The following DCLRE1B variants were observed in gnomAD, a reference collection of about 807,000 sequenced individuals.
DCLRE1B encodes the protein 5' exonuclease Apollo.
DCLRE1B carries 6 observed loss-of-function variants against 19.8 expected under a neutral mutation model. The observed-to-expected ratio is 0.30, with a 90% CI of 0.17 to 0.60. DCLRE1B has a LOEUF of 0.60. DCLRE1B is among the 20% of genes least tolerant of loss of function. The pLI, the probability that DCLRE1B is intolerant of heterozygous loss-of-function variation, is 0.87. For missense variants in DCLRE1B, 622 were observed against 654.2 expected (o/e 0.95, Z 0.54); for synonymous variants, 258 against 255.7 (o/e 1.01, Z -0.09).
In DCLRE1B at chr1:113,905,811, A is replaced by C. The variant is rs760541826; in HGVS notation, c.189+36A>C. 12 of 1,584,744 alleles carry C rather than the reference A, an allele frequency of 7.6e-6. No homozygotes were observed. In the South Asian group the frequency reaches 1.3e-4, roughly 18 times the overall value. Reference sequence around the variant, plus strand: ...GGAGTCGGTCTCCGAGAGCTGGTCCAGGCATCTGGGTTGGGACTTCAACCT... The same window carrying C: ...GGAGTCGGTCTCCGAGAGCTGGTCCCGGCATCTGGGTTGGGACTTCAACCT... On this transcript the variant is annotated intron_variant, in intron 1 of 3. Transcript: ENST00000650450.
At position 113,911,439 on chromosome 1, in the gene DCLRE1B, C is replaced by T. The variant is rs145569979; in HGVS notation, c.847C>T (p.Arg283Cys). The change falls in exon 4 of 4, where the codon CGT (arginine) becomes TGT (cysteine). Residue 283 changes from arginine (R) to cysteine (C), a missense_variant. By Grantham distance (180) the Arg-to-Cys change is radical (BLOSUM62 -3). Transcript: ENST00000650450. The stretch of plus-strand genomic sequence containing the variant: ...TGACCATTCCTCTTACTCCGAGCTT[C>T]GTGCCTTTGTCGCAGCACTGAAGCC... ...YSDHSSYSEL[R>C]AFVAALKPCQ... is the part of the protein sequence containing the mutation. The T allele has an allele frequency of 2.4e-3, 3,933 of 1,614,174 alleles. 5 individuals are homozygous for T. The highest frequency in any genetic ancestry group is 3.1e-3 in the Non-Finnish European group (3,693 of 1,180,040).
upstream of DCLRE1B, chr1:113,905,059 C>T (rs1668818567): frequency 2.6e-6 from 1 of 391,346 alleles, no homozygotes; most frequent in Non-Finnish European, 4.9e-6. Context: ...CCAGTTCCAG[C>T]CTTAATTCCC....
chr1:113,906,862 T>A (rs1669028238), intron 1 of DCLRE1B, 134 bp from the exon 2 acceptor site: 1 of 896,858 alleles, frequency 1.1e-6, no homozygotes, highest in Non-Finnish European at 1.7e-6. Flanking sequence ...TGCTTGGGAA[T>A]CCCCATTACA....
chr1:113,906,964 G>C (rs376506945), intron 1 of DCLRE1B, 32 bp from the exon 2 acceptor site: 126 of 1,612,328 alleles, frequency 7.8e-5, no homozygotes, highest in Non-Finnish European at 8.9e-5. Flanking sequence ...AGAGGAGTCA[G>C]TGGTCACTGG....
At chr1:113,904,873 G>GCTGGCCCTGACACA (rs1444141950), upstream of DCLRE1B, 2 of 701,180 alleles carry the variant, frequency 2.9e-6, no homozygotes, top group Non-Finnish European at 5.1e-6. Flanking sequence ...GGGCCGGCAC[G>GCTGGCCCTGACACA]CTGGCCCTGA....
upstream of DCLRE1B, chr1:113,905,200 C>T (rs182022902): frequency 2.7e-4 from 92 of 335,704 alleles, 1 homozygote; most frequent in Middle Eastern, 2.9e-3. Flanking sequence ...AGTCCCGACT[C>T]CGACCTTAGG....
In DCLRE1B at chr1:113,908,088, C is replaced by T. The variant is rs199787443; in HGVS notation, c.435C>T (p.Asp145=). Residue 145 remains aspartate, a synonymous_variant, in exon 3 of 4, where the codon GAC becomes GAT. Transcript: ENST00000650450. ...AACAGATCCATACTTTATACCTAGA[C>T]AACACCAATTGCAATCCAGCCCTGG... The part of the protein sequence containing the change: ...LGKQIHTLYL[D]NTNCNPALVL... 6.2e-7 allele frequency: 1 copy of T among 1,614,090 alleles called. No homozygotes were observed.
At chr1:113,904,727 A>C, upstream of DCLRE1B, 8 of 1,611,138 alleles carry the variant, frequency 5.0e-6, no homozygotes, top group Non-Finnish European at 6.8e-6. Context: ...TCTTCCTAAG[A>C]GTCACAGGGC....
At position 113,912,369 on chromosome 1, in the gene DCLRE1B, A is replaced by G; in HGVS notation, c.*178A>G. On this transcript the variant is annotated 3_prime_UTR_variant, in exon 4 of 4. Transcript: ENST00000650450. ...CTTGTTCACTGGGGTCCTCGTGCCT[A>G]TGGAATCCTTCTTTTTATAACTAAG... 1 of 534,434 alleles carries G rather than the reference A, an allele frequency of 1.9e-6. No individual in the cohort carries two copies. The highest frequency in any genetic ancestry group is 3.0e-5 in the East Asian group (1 of 33,244). 33.1% of individuals were successfully genotyped at this position (534,434 alleles called of 1,614,324 possible).
chr1:113,912,114 C>T lies in DCLRE1B; in HGVS notation c.1522C>T (p.Pro508Ser). The change falls in exon 4 of 4, where the codon CCA becomes TCA. Residue 508 changes from proline to serine, a missense_variant. This residue lies in a region of DCLRE1B where 382 missense variants were observed against 412.5 expected (regional missense o/e 0.93). Coordinates refer to ENST00000650450, the MANE Select transcript of DCLRE1B (RefSeq NM_022836.4). Reference protein sequence around the residue: ...RGLALKYLLTPVNFFQAGYSS... With the variant: ...RGLALKYLLTSVNFFQAGYSS... ...TCTAGCACTCAAATATCTTCTGACT[C>T]CAGTGAACTTTTTCCAGGCAGGGTA... The T allele has an allele frequency of 6.2e-7, 1 of 1,614,174 alleles. No homozygotes were observed. The highest frequency in any genetic ancestry group is 1.3e-5 in the African/African-American group (1 of 75,038).
In DCLRE1B at chr1:113,908,038, A is replaced by C. The variant is rs1443242951; in HGVS notation, c.385A>C (p.Lys129Gln). ...TTTTCGATACACACCATCCATGCTA[A>C]AGGAGCCAGCCCTGACACTGGGGAA... ...GDFRYTPSML[K>Q]EPALTLGKQI... Residue 129 changes from lysine (K) to glutamine (Q), a missense_variant, in exon 3 of 4, where the codon AAG becomes CAG. Lys to Gln is a moderately conservative substitution (Grantham distance 53). This residue lies in a region of DCLRE1B where 237 missense variants were observed against 223.8 expected (regional missense o/e 1.06). Coordinates refer to ENST00000650450, the MANE Select transcript of DCLRE1B (RefSeq NM_022836.4). The C allele has an allele frequency of 6.2e-7, 1 of 1,614,060 alleles. No individual in the cohort carries two copies. The highest frequency in any genetic ancestry group is 1.1e-5 in the South Asian group (1 of 91,076).
Position 113,905,641 on chromosome 1 carries a change from CG to C in DCLRE1B, c.56del (p.Arg19ProfsTer64). On this transcript the variant is annotated frameshift_variant, in exon 1 of 4. Coordinates refer to ENST00000650450, the MANE Select transcript of DCLRE1B (RefSeq NM_022836.4). LOFTEE classifies it high-confidence loss of function. ...TPIAVDFWSL[R>X]RAGTARLFFL... The stretch of plus-strand genomic sequence containing the variant: ...CATCGCAGTGGACTTCTGGAGCCTG[CG>C]CCGGGCTGGCACCGCACGTCTCTTC... 1 of 1,614,196 alleles carries C rather than the reference CG, an allele frequency of 6.2e-7. No individual in the cohort carries two copies. Among genetic ancestry groups the C allele is most frequent in the Non-Finnish European group, 8.5e-7 (1 of 1,180,034 alleles).
Position 113,908,103 on chromosome 1 carries a change from T to G in DCLRE1B, c.450T>G (p.Asn150Lys). Residue 150 changes from asparagine to lysine, a missense_variant, in exon 3 of 4, where the codon AAT (asparagine) becomes AAG (lysine). Physicochemically the swap from Asn to Lys is moderately conservative, Grantham distance 94 (BLOSUM62 0). Coordinates refer to ENST00000650450, the MANE Select transcript of DCLRE1B (RefSeq NM_022836.4). ...TATACCTAGACAACACCAATTGCAA[T>G]CCAGCCCTGGTTCTTCCTTCCCGAC... Reference protein sequence around the residue: ...HTLYLDNTNCNPALVLPSRQE... With the variant: ...HTLYLDNTNCKPALVLPSRQE... The G allele has an allele frequency of 6.2e-7, 1 of 1,614,152 alleles. No homozygotes were observed. Among genetic ancestry groups the G allele is most frequent in the Non-Finnish European group, 8.5e-7 (1 of 1,180,012 alleles).
At position 113,911,321 on chromosome 1, in the gene DCLRE1B, G is replaced by A. The variant is rs1186144400; in HGVS notation, c.729G>A (p.Leu243=). ...TGGAGATCTGCCATTCCAACATGCT[G>A]CGTTGGAACCAGACCCACCCTACGA... is the stretch of plus-strand genomic sequence containing the variant. ...DHMEICHSNM[L]RWNQTHPTIA... is the part of the protein sequence containing the mutation. Residue 243 remains leucine (L), a synonymous_variant, in exon 4 of 4, where the codon CTG becomes CTA. Transcript: ENST00000650450. 6.2e-7 allele frequency: 1 copy of A among 1,614,000 alleles called. No homozygotes were observed. Among genetic ancestry groups the A allele is most frequent in the Non-Finnish European group, 8.5e-7 (1 of 1,180,038 alleles).
Position 113,912,047 on chromosome 1 carries a change from C to T in DCLRE1B, c.1455C>T (p.His485=), listed in dbSNP as rs1558110685. Residue 485 remains histidine, a synonymous_variant, in exon 4 of 4, where the codon CAC becomes CAT. Coordinates refer to ENST00000650450, the MANE Select transcript of DCLRE1B (RefSeq NM_022836.4). ...AWMGHGSPLS[H]SSKGTPLLAT... ...TGGGCCATGGTTCTCCCCTGTCCCA[C>T]AGCAGCAAGGGCACCCCTCTTCTAG... 6 of 1,614,134 alleles carry T rather than the reference C, an allele frequency of 3.7e-6. No homozygotes were observed. The highest frequency in any genetic ancestry group is 1.7e-5 in the Admixed American group (1 of 60,008).
In DCLRE1B at chr1:113,912,380, CTTT is replaced by C; in HGVS notation, c.*192_*194del. 2.0e-6 allele frequency: 1 copy of C among 503,458 alleles called. No homozygotes were observed. The highest frequency in any genetic ancestry group is 3.7e-5 in the Admixed American group (1 of 27,142). The allele number at this position is 503,458 out of a possible 1,614,324, so 31.2% of individuals were successfully genotyped here. ...GGGTCCTCGTGCCTATGGAATCCTT[CTTT>C]TTATAACTAAGTTTAAGAAATACTT... On this transcript the variant is annotated 3_prime_UTR_variant, in exon 4 of 4. Coordinates refer to ENST00000650450, the MANE Select transcript of DCLRE1B (RefSeq NM_022836.4).
At position 113,905,699 on chromosome 1, in the gene DCLRE1B, T is replaced by C. The variant is rs1299879785; in HGVS notation, c.113T>C (p.Val38Ala). 1 of 1,614,174 alleles carries C rather than the reference T, an allele frequency of 6.2e-7. No individual in the cohort carries two copies. The highest frequency in any genetic ancestry group is 1.1e-5 in the South Asian group (1 of 91,090). Reference protein sequence around the residue: ...FLSHMHSDHTVGLSSTWARPL... With the variant: ...FLSHMHSDHTAGLSSTWARPL... ...TCTCACATGCACTCGGACCACACCG[T>C]GGGCCTGTCTAGCACCTGGGCCCGG... The change falls in exon 1 of 4, where the codon GTG becomes GCG. Residue 38 changes from valine to alanine, a missense_variant. Val to Ala is a moderately conservative substitution (Grantham distance 64, BLOSUM62 0). Coordinates refer to ENST00000650450, the MANE Select transcript of DCLRE1B (RefSeq NM_022836.4).
At position 113,911,571 on chromosome 1, in the gene DCLRE1B, A is replaced by G. The variant is rs754039467; in HGVS notation, c.979A>G (p.Met327Val). 110 of 1,603,544 alleles carry G rather than the reference A, an allele frequency of 6.9e-5. No homozygotes were observed. In the East Asian group the frequency reaches 1.7e-3, roughly 24 times the overall value. The change falls in exon 4 of 4, where the codon ATG (methionine) becomes GTG (valine). Residue 327 changes from methionine to valine, a missense_variant. Physicochemically the swap from Met to Val is conservative, Grantham distance 21 (BLOSUM62 1). Around this residue, in one of 3 missense-constraint regions of DCLRE1B, gnomAD observed 382 missense variants for 412.5 expected, o/e 0.93. Transcript: ENST00000650450. ...GATTCCGGACTCTGTACAGCAATAC[A>G]TGAGTTCTTCCTCTAGAAAACCAAG... is the stretch of plus-strand genomic sequence containing the variant. Reference protein sequence around the residue: ...PLIPDSVQQYMSSSSRKPSLL... With the variant: ...PLIPDSVQQYVSSSSRKPSLL...
rs1012518925 is a variant in DCLRE1B at position 113,914,023 on chromosome 1, A to G, written c.*1832A>G. ...AGTATACCTTAACTAAGCCATTCCC[A>G]TATTCAACATTTTGTGTACTGTTTT... On this transcript the variant is annotated 3_prime_UTR_variant, in exon 4 of 4. Transcript: ENST00000650450. The G allele has an allele frequency of 1.3e-5, 2 of 152,182 alleles. No individual in the cohort carries two copies. Among genetic ancestry groups the G allele is most frequent in the African/African-American group, 4.8e-5 (2 of 41,428 alleles). The allele number at this position is 152,182 out of a possible 1,614,324, so 9.4% of individuals were successfully genotyped here.
Sources: allele counts gnomAD v4.1 joint callset, GRCh38; gene constraint gnomAD v4.1.1; regional missense constraint gnomAD v4.1.1; transcripts MANE v1.5; gene names NCBI Gene and HGNC (gene_info 2026-07-23, HGNC 2026-07-21).